The following MKNK1 variants were observed in gnomAD, a reference collection of about 807,000 sequenced individuals.
MKNK1 encodes MAPK interacting serine/threonine kinase 1.
MKNK1 carries 30 observed loss-of-function variants against 49.3 expected under a neutral mutation model. The ratio of observed to expected loss-of-function variants is 0.61; its 90% CI spans 0.46 to 0.83. MKNK1 has a LOEUF of 0.83. MKNK1 is among the 40% of genes least tolerant of loss of function. MKNK1 has a pLI of 0.00. For synonymous variants in MKNK1, 176 were observed against 201.7 expected, an observed-to-expected ratio of 0.87 and a Z score of 1.08; for missense variants, 423 against 524.7, an observed-to-expected ratio of 0.81 and a Z score of 1.89.
chr1:46,583,381 T>TA, intron 2 of MKNK1, 52 bp from the exon 3 acceptor site: 1 of 1,390,100 alleles, frequency 7.2e-7, no homozygotes, highest in African/African-American at 1.5e-5. Context: ...GATCAAGCTG[T>TA]AAATTTACCC....
rs574166621 is a variant in MKNK1 at position 46,575,189 on chromosome 1, G to A, written c.279-169C>T. 2.7e-3 allele frequency: 1,531 copies of A among 563,768 alleles called. 5 individuals are homozygous for A. Among genetic ancestry groups the A allele is most frequent in the Non-Finnish European group, 4.3e-3 (1,375 of 320,708 alleles). The allele number at this position is 563,768 out of a possible 1,614,324, so 34.9% of individuals were successfully genotyped here. The stretch of plus-strand genomic sequence containing the variant: ...GACCCGCGTATGGAAGCAGCCAATG[G>A]TGTTAGCAAGATTCAGGTCACCTTA... On this transcript the variant is annotated intron_variant, in intron 5 of 12. Transcript: ENST00000371945.
At chr1:46,588,732 C>T (rs966194844) in intron 2 of MKNK1, among the ~76,000 whole-genome samples, 2 of 148,750 alleles carry the variant, frequency 1.3e-5, no homozygotes, top group African/African-American at 2.5e-5. Context: ...GCGTAAACCC[C>T]GGGGGGCGGA....
intron 9 of MKNK1, among the ~76,000 whole-genome samples, chr1:46,564,100 A>G (rs900095445): frequency 1.3e-5 from 2 of 151,682 alleles, no homozygotes; most frequent in African/African-American, 4.8e-5. Flanking sequence ...GAAGCATACA[A>G]ATCTCAAAAG....
At chr1:46,574,845 T>C in intron 6 of MKNK1, 102 bp downstream of exon 6, 1 of 781,512 alleles carries the variant, frequency 1.3e-6, no homozygotes, top group Non-Finnish European at 2.1e-6. Context: ...CTTCATCCTT[T>C]TTATTAGCTT....
intron 2 of MKNK1, 79 bp downstream of exon 2, chr1:46,594,034 G>T: frequency 8.8e-7 from 1 of 1,140,016 alleles, no homozygotes; most frequent in Non-Finnish European, 1.3e-6. Flanking sequence ...TCTCTTACCC[G>T]CCCTTTCCTC....
rs1417574189 is a variant in MKNK1, at chr1:46,557,597, AGGCTTCACCCTAGTGT to A, written c.*962_*977del. On this transcript the variant is annotated 3_prime_UTR_variant, in exon 13 of 13. Transcript: ENST00000371945. ...ACTGCATTGCTCAAACAGGGAAGTG[AGGCTTCACCCTAGTGT>A]GGCTTCACCTTAGGCACAGAGCACT... The A allele has an allele frequency of 6.6e-6, 1 of 152,668 alleles. No individual in the cohort carries two copies. The highest frequency in any genetic ancestry group is 1.5e-5 in the Non-Finnish European group (1 of 68,048). The allele number at this position is 152,668 out of a possible 1,614,324, so 9.5% of individuals were successfully genotyped here.
At chr1:46,588,508 TA>T (rs1250320905) in intron 2 of MKNK1, among the ~76,000 whole-genome samples, 1 of 152,216 alleles carries the variant, frequency 6.6e-6, no homozygotes, top group East Asian at 1.9e-4. Context: ...TTTTATTTTT[TA>T]AAAAATGCTA....
At chr1:46,591,636 A>C (rs1481874656) in intron 2 of MKNK1, among the ~76,000 whole-genome samples, 1 of 152,186 alleles carries the variant, frequency 6.6e-6, no homozygotes, top group Non-Finnish European at 1.5e-5. Context: ...GCCCCCAAGC[A>C]CAAACGCAGC....
rs184415358 is a variant in MKNK1 at position 46,598,476 on chromosome 1, G to A, written c.-170-4196C>T. On this transcript the variant is annotated intron_variant, in intron 1 of 12. Transcript: ENST00000371945. ...GGAAAGAAAGAGAAGGTAACAATGC[G>A]GGGGAAGGGAAAATGGCCCTAATAA... Among the ~76,000 whole-genome samples, 483 of 152,214 alleles carry A rather than the reference G, an allele frequency of 3.2e-3. 1 individual carries two copies. The highest frequency in any genetic ancestry group is 4.8e-3 in the Non-Finnish European group (325 of 68,008).
intron 10 of MKNK1, among the ~76,000 whole-genome samples, chr1:46,561,850 A>G (rs1327218491): frequency 1.3e-5 from 2 of 152,172 alleles, no homozygotes; most frequent in Non-Finnish European, 2.9e-5. Flanking sequence ...GCAGGCCAGG[A>G]TGGCTATGCC....
chr1:46,567,274 C>T (rs964861435), intron 8 of MKNK1, among the ~76,000 whole-genome samples: 1 of 152,178 alleles, frequency 6.6e-6, no homozygotes, highest in Admixed American at 6.5e-5. Flanking sequence ...TGCCTTTCCT[C>T]ACGTTCTTGT....
rs1173450741 is a variant in MKNK1, at chr1:46,589,577, T to A, written c.-3+4536A>T. On this transcript the variant is annotated intron_variant, in intron 2 of 12. Coordinates refer to ENST00000371945, the MANE Select transcript of MKNK1 (RefSeq NM_001135553.4). The surrounding 1 kb of genome is among the most constrained non-coding windows in gnomAD (Gnocchi z 4.3). ...ATGTTTCGTCTCTTTGTAAAACCTG[T>A]GAGTGAACGAGCACTGATGGTACTG... Among the ~76,000 whole-genome samples, 2 of 152,228 alleles carry A rather than the reference T, an allele frequency of 1.3e-5. No individual in the cohort carries two copies. Among genetic ancestry groups the A allele is most frequent in the Non-Finnish European group, 2.9e-5 (2 of 68,032 alleles).
chr1:46,567,683 T>C (rs1248848686), intron 8 of MKNK1, among the ~76,000 whole-genome samples: 2 of 152,210 alleles, frequency 1.3e-5, no homozygotes, highest in African/African-American at 2.4e-5. Flanking sequence ...ACAATATATA[T>C]GCTCTTGAAT....
chr1:46,600,512 C>T (rs1241631922), intron 1 of MKNK1, among the ~76,000 whole-genome samples: 2 of 152,218 alleles, frequency 1.3e-5, no homozygotes, highest in Non-Finnish European at 2.9e-5. Flanking sequence ...CGCTAATACT[C>T]ATGTGGGCTT....
At chr1:46,591,490 T>G (rs185046315) in intron 2 of MKNK1, among the ~76,000 whole-genome samples, 1 of 152,206 alleles carries the variant, frequency 6.6e-6, no homozygotes. Context: ...CTGCATCTCC[T>G]GGTGGAAGGA....
chr1:46,582,965 G>A (rs1178909567), intron 3 of MKNK1: 1 of 628,560 alleles, frequency 1.6e-6, no homozygotes, highest in Non-Finnish European at 3.0e-6. Flanking sequence ...TGATAGATGG[G>A]TCTTCCTGCT....
chr1:46,585,249 C>CAAAAAAAAA (rs58692301), intron 2 of MKNK1, among the ~76,000 whole-genome samples: 2 of 62,134 alleles, frequency 3.2e-5, no homozygotes, highest in Non-Finnish European at 6.1e-5. Context: ...GATTCCGTCT[C>CAAAAAAAAA]AAAAAAAAAA....
chr1:46,565,018 G>A (rs375491450), intron 9 of MKNK1, 23 bp downstream of exon 9: 12 of 1,603,692 alleles, frequency 7.5e-6, no homozygotes, highest in African/African-American at 1.3e-5. Context: ...AAATACTTAG[G>A]AGCCCAGAGG....
At position 46,562,382 on chromosome 1, in the gene MKNK1, A is replaced by C. The variant is rs188471001; in HGVS notation, c.804+267T>G. Among the ~76,000 whole-genome samples, 654 of 116,162 alleles carry C rather than the reference A, an allele frequency of 5.6e-3. 9 individuals are homozygous for C. The highest frequency in any genetic ancestry group is 0.043 in the Admixed American group (391 of 9,044). 76.2% of individuals were successfully genotyped at this position (116,162 alleles called of 152,430 possible). A position where few individuals can be genotyped will look rare whatever the true frequency, so the allele number is the denominator to read the frequency against. ...TTGCACTCCAGCCTGGGCGACAGAG[A>C]GAGACTCCATCTCAAAAAAAAAAAA... On this transcript the variant is annotated intron_variant, in intron 10 of 12. Transcript: ENST00000371945.
Sources: allele counts gnomAD v4.1 joint callset (sites outside exome capture counted in the v4.1 genomes callset), GRCh38; gene constraint gnomAD v4.1.1; non-coding constraint Gnocchi (gnomAD v3.1); transcripts MANE v1.5; gene names NCBI Gene and HGNC (gene_info 2026-07-23, HGNC 2026-07-21).